Variants in RB1 observed in about 807,000 individuals in gnomAD.
The protein encoded by RB1 is retinoblastoma-associated protein.
Under a neutral mutation model 135.4 loss-of-function variants are expected in RB1, and 18 were observed. That is an observed-to-expected ratio of 0.13 (90% CI 0.09 to 0.20). RB1 has a LOEUF of 0.20. Ranked by LOEUF, RB1 falls within the 10% of genes least tolerant of loss-of-function variation. The pLI, the probability that RB1 is intolerant of heterozygous loss-of-function variation, is 1.00. For synonymous variants in RB1, 365 were observed against 373.2 expected (o/e 0.98, Z 0.25); for missense variants, 868 against 1,110.0 (o/e 0.78, Z 3.10).
At chr13:48,317,535 C>A in intron 2 of RB1, 1 of 436,470 alleles carries the variant, frequency 2.3e-6, no homozygotes, top group East Asian at 6.0e-5. Flanking sequence ...CCTCGGTGCC[C>A]GCTGTGGCAC....
chr13:48,422,253 AAACT>A (rs1378961867), intron 17 of RB1, among the ~76,000 whole-genome samples: 2 of 152,206 alleles, frequency 1.3e-5, no homozygotes, highest in Admixed American at 1.3e-4. Flanking sequence ...CACTTTCAGC[AAACT>A]AACACAGGAA....
chr13:48,369,210 A>G (rs1456540229), intron 11 of RB1, among the ~76,000 whole-genome samples: 1 of 152,160 alleles, frequency 6.6e-6, no homozygotes, highest in African/African-American at 2.4e-5. Flanking sequence ...ACTATTTTTT[A>G]TGTCTTTTTC....
chr13:48,366,325 C>T (rs908211084), intron 9 of RB1, among the ~76,000 whole-genome samples: 17 of 152,052 alleles, frequency 1.1e-4, no homozygotes, highest in South Asian at 4.1e-4. Flanking sequence ...TATAGCCAAT[C>T]AATAGATGAC....
intron 17 of RB1, among the ~76,000 whole-genome samples, chr13:48,450,188 A>G (rs943846221): frequency 1.3e-5 from 2 of 151,724 alleles, no homozygotes; most frequent in Non-Finnish European, 2.9e-5. Flanking sequence ...TGTTTTCATC[A>G]TGAAATCTTT....
chr13:48,479,950 T>C (rs1446642954), intron 26 of RB1, 48 bp from the exon 27 acceptor site: 1 of 1,525,636 alleles, frequency 6.6e-7, no homozygotes, highest in African/African-American at 1.4e-5. Context: ...ACTTGCCAAC[T>C]TACCCAGTAC....
chr13:48,457,386 C>T (rs561644990), intron 19 of RB1, among the ~76,000 whole-genome samples: 2 of 152,092 alleles, frequency 1.3e-5, no homozygotes, highest in South Asian at 4.1e-4. Context: ...TCTCTCCATC[C>T]TCTGCTCTGC....
chr13:48,430,499 G>A (rs554560401), intron 17 of RB1, among the ~76,000 whole-genome samples: 113 of 152,228 alleles, frequency 7.4e-4, no homozygotes, highest in African/African-American at 2.7e-3. Flanking sequence ...CCAGCACTTT[G>A]GGAGGCGAGA....
At chr13:48,379,840 G>A (rs1593455846) in intron 14 of RB1, among the ~76,000 whole-genome samples, 190 bp downstream of exon 14, 2 of 149,680 alleles carry the variant, frequency 1.3e-5, no homozygotes, top group South Asian at 2.1e-4. Context: ...TAGACCTGTA[G>A]TCCCAGCTAC....
intron 26 of RB1, among the ~76,000 whole-genome samples, chr13:48,478,683 A>G (rs2138362608): frequency 6.6e-6 from 1 of 152,356 alleles, no homozygotes; most frequent in South Asian, 2.1e-4. Context: ...GTGACAAAGC[A>G]GGCAGAATTT....
chr13:48,422,288 G>T (rs575019216), intron 17 of RB1, among the ~76,000 whole-genome samples: 1 of 152,098 alleles, frequency 6.6e-6, no homozygotes, highest in African/African-American at 2.4e-5. Context: ...AACACCGCAT[G>T]TTCTCACTCA....
intron 2 of RB1, among the ~76,000 whole-genome samples, chr13:48,321,201 C>T (rs1209473496): frequency 6.6e-6 from 1 of 152,146 alleles, no homozygotes; most frequent in African/African-American, 2.4e-5. Flanking sequence ...GTCTCTGGGG[C>T]TGGCCCATTT....
rs118087738 is a variant in RB1 at position 48,387,015 on chromosome 13, C to T, written c.1695+5572C>T. 5.7e-3 allele frequency among the ~76,000 whole-genome samples: 861 copies of T among 152,232 alleles called. 5 individuals carry two copies. Among genetic ancestry groups the T allele is most frequent in the Middle Eastern group, 0.01 (3 of 294 alleles). ...GAAACTATGACTTGTCGAGTTTTGG[C>T]GTAGTGTCAGAAAACAGTAACCATA... On this transcript the variant is annotated intron_variant, in intron 17 of 26. Coordinates refer to ENST00000267163, the MANE Select transcript of RB1 (RefSeq NM_000321.3).
chr13:48,412,425 GT>G, intron 17 of RB1: 1 of 1,610,274 alleles, frequency 6.2e-7, no homozygotes, highest in Non-Finnish European at 8.5e-7. Flanking sequence ...GCTTACCATC[GT>G]AAAGGCACGT....
chr13:48,359,939 A>G, intron 6 of RB1, 78 bp from the exon 7 acceptor site: 5 of 1,574,740 alleles, frequency 3.2e-6, no homozygotes, highest in East Asian at 2.3e-5. Context: ...ATTTATGGAT[A>G]TACTCTACCC....
At chr13:48,332,929 T>C (rs1952349987) in intron 2 of RB1, 1 of 397,184 alleles carries the variant, frequency 2.5e-6, no homozygotes, top group South Asian at 1.3e-4. Context: ...CAGTAAGAGA[T>C]TAGTAACAAT....
intron 20 of RB1, among the ~76,000 whole-genome samples, chr13:48,460,914 A>G (rs1481668594): frequency 6.6e-6 from 1 of 152,158 alleles, no homozygotes; most frequent in Non-Finnish European, 1.5e-5. Flanking sequence ...GTGAGCTGAG[A>G]TCACACCACT....
In RB1 at chr13:48,480,781, C is replaced by A. The variant is rs1949533904; in HGVS notation, c.*710C>A. ...ATACCTCAGAATGTAAAAGAACTTA[C>A]TGATTATTTTCTTCATCCAACTTAT... is the stretch of plus-strand genomic sequence containing the variant. On this transcript the variant is annotated 3_prime_UTR_variant, in exon 27 of 27. Transcript: ENST00000267163. 1 of 226,860 alleles carries A rather than the reference C, an allele frequency of 4.4e-6. No individual in the cohort carries two copies. The highest frequency in any genetic ancestry group is 6.5e-5 in the East Asian group (1 of 15,496). 14.1% of individuals were successfully genotyped at this position (226,860 alleles called of 1,614,324 possible).
At chr13:48,478,000 G>C (rs1254907763) in intron 26 of RB1, among the ~76,000 whole-genome samples, 1 of 152,184 alleles carries the variant, frequency 6.6e-6, no homozygotes, top group African/African-American at 2.4e-5. Flanking sequence ...AAGGATAGTA[G>C]ATGGAAAGCA....
At chr13:48,388,235 T>C (rs941411172) in intron 17 of RB1, among the ~76,000 whole-genome samples, 1 of 152,216 alleles carries the variant, frequency 6.6e-6, no homozygotes, top group Admixed American at 6.5e-5. Flanking sequence ...TATGATGACA[T>C]GCAGGTTTCT....
Sources: gnomAD v4.1 joint callset for allele counts (sites outside exome capture counted in the v4.1 genomes callset) on GRCh38, gnomAD v4.1.1 for gene constraint, MANE v1.5 for transcripts, NCBI Gene and HGNC (gene_info 2026-07-23, HGNC 2026-07-21) for gene names.